HGF: variants seen among roughly 807,000 people sequenced by gnomAD.
HGF encodes hepatocyte growth factor, also known as fibroblast-derived tumor cytotoxic factor.
A neutral mutation model predicts 111.6 loss-of-function variants in HGF; 39 were observed. That is an observed-to-expected ratio of 0.35 (90% CI 0.27 to 0.46). HGF has a LOEUF of 0.46. Ranked by LOEUF, HGF falls within the 20% of genes least tolerant of loss-of-function variation. HGF has a pLI of 1.00. For synonymous variants in HGF, 285 were observed against 294.8 expected (o/e 0.97, Z 0.34); for missense variants, 735 against 910.5 (o/e 0.81, Z 2.48).
chr7:81,723,408 C>T (rs1789925260), intron 9 of HGF, among the ~76,000 whole-genome samples: 1 of 151,778 alleles, frequency 6.6e-6, no homozygotes, highest in South Asian at 2.1e-4. Context: ...AAATGTATAC[C>T]ATTAATACAG....
intron 3 of HGF, among the ~76,000 whole-genome samples, chr7:81,758,130 C>A (rs1025677396): frequency 6.6e-6 from 1 of 151,892 alleles, no homozygotes. Flanking sequence ...AAGTAAATAC[C>A]TAGTGAACAT....
chr7:81,744,863 A>T (rs538556022), intron 6 of HGF, 137 bp downstream of exon 6: 1 of 992,192 alleles, frequency 1.0e-6, no homozygotes, highest in East Asian at 2.6e-5. Flanking sequence ...ACTCCTGAAC[A>T]TTCTGGGAGT....
In HGF at chr7:81,727,085, A is replaced by G. The variant is rs190630396; in HGVS notation, c.1041-1068T>C. On this transcript the variant is annotated intron_variant, in intron 8 of 17. Transcript: ENST00000222390. ...AAACAGAGTCTCGTTCTGTCGCCCA[A>G]GCTGGAGTGCAGTGGCGTGATATCG... 1.5e-4 allele frequency among the ~76,000 whole-genome samples: 23 copies of G among 151,442 alleles called. 1 individual carries two copies. Among genetic ancestry groups the G allele is most frequent in the Admixed American group, 1.2e-3 (18 of 15,190 alleles).
At chr7:81,717,475 C>A (rs1255411503) in intron 10 of HGF, 110 bp from the exon 11 acceptor site, 2 of 1,082,210 alleles carry the variant, frequency 1.8e-6, no homozygotes, top group African/African-American at 3.1e-5. Flanking sequence ...GTAGATACAG[C>A]ATAACCTTTT....
At chr7:81,736,241 ACAATT>A (rs1787820594) in intron 7 of HGF, among the ~76,000 whole-genome samples, 1 of 152,092 alleles carries the variant, frequency 6.6e-6, no homozygotes, top group South Asian at 2.1e-4. Context: ...CCAGAAGTAA[ACAATT>A]CATACGTTTC....
At chr7:81,744,693 A>G (rs1036435419) in intron 6 of HGF, among the ~76,000 whole-genome samples, 3 of 151,990 alleles carry the variant, frequency 2.0e-5, no homozygotes, top group Admixed American at 1.3e-4. Context: ...TTGTGCTTCC[A>G]CTCTATACCC....
intron 11 of HGF, among the ~76,000 whole-genome samples, 153 bp from the exon 12 acceptor site, chr7:81,711,672 C>T (rs1789574049): frequency 6.6e-6 from 1 of 152,102 alleles, no homozygotes; most frequent in African/African-American, 2.4e-5. Context: ...GAGACAGAGT[C>T]TCATTCTGTC....
At chr7:81,721,204 G>GC (rs1789852187) in intron 9 of HGF, among the ~76,000 whole-genome samples, 1 of 152,006 alleles carries the variant, frequency 6.6e-6, no homozygotes, top group Admixed American at 6.5e-5. Context: ...CCGAGATGGC[G>GC]CCACTGCACT....
intron 7 of HGF, among the ~76,000 whole-genome samples, chr7:81,731,580 C>T (rs1733536906): frequency 6.6e-6 from 1 of 151,998 alleles, no homozygotes; most frequent in African/African-American, 2.4e-5. Flanking sequence ...TGGTGAAATA[C>T]AAAATAAGAT....
chr7:81,741,998 A>T (rs1290479861), intron 7 of HGF, among the ~76,000 whole-genome samples: 1 of 151,946 alleles, frequency 6.6e-6, no homozygotes, highest in Non-Finnish European at 1.5e-5. Flanking sequence ...CACACAAAAA[A>T]TCAGAAGGGA....
intron 11 of HGF, among the ~76,000 whole-genome samples, chr7:81,712,314 T>C (rs1789593747): frequency 6.6e-6 from 1 of 152,204 alleles, no homozygotes; most frequent in African/African-American, 2.4e-5. Flanking sequence ...TAGTTTTATA[T>C]GGTTAAAGAT....
At chr7:81,713,305 T>G (rs1789620976) in intron 11 of HGF, among the ~76,000 whole-genome samples, 1 of 152,018 alleles carries the variant, frequency 6.6e-6, no homozygotes, top group Non-Finnish European at 1.5e-5. Flanking sequence ...GGCGGATGGA[T>G]CACAAGGTCA....
chr7:81,723,432 A>G (rs1282792343), intron 9 of HGF, among the ~76,000 whole-genome samples: 1 of 152,094 alleles, frequency 6.6e-6, no homozygotes, highest in African/African-American at 2.4e-5. Context: ...AAGAAAATCC[A>G]GATGATTTTT....
intron 8 of HGF, among the ~76,000 whole-genome samples, chr7:81,728,880 T>G (rs867597691): frequency 6.6e-6 from 1 of 152,226 alleles, no homozygotes; most frequent in African/African-American, 2.4e-5. Context: ...TGTGTGTTAT[T>G]AATTTCAAAA....
chr7:81,709,587 T>C (rs1304830586), intron 13 of HGF, among the ~76,000 whole-genome samples: 1 of 152,124 alleles, frequency 6.6e-6, no homozygotes, highest in African/African-American at 2.4e-5. Context: ...CATTGAGAAA[T>C]AGACATGTCA....
intron 9 of HGF, 122 bp from the exon 10 acceptor site, chr7:81,720,969 G>GGT: frequency 4.4e-6 from 3 of 680,178 alleles, no homozygotes; most frequent in Non-Finnish European, 5.3e-6. Flanking sequence ...GAAAGGGCTG[G>GGT]GTGCGGTGGC....
In HGF at chr7:81,705,341, AC is replaced by A. The variant is rs781145595; in HGVS notation, c.2010+48del. ...ATAAACAGAAAAAAATAAACATGAA[AC>A]ACTAAGCTATGAATCACATACTCCT... is the stretch of plus-strand genomic sequence containing the variant. On this transcript the variant is annotated intron_variant, in intron 17 of 17. Coordinates refer to ENST00000222390, the MANE Select transcript of HGF (RefSeq NM_000601.6). 4 of 1,554,106 alleles carry A rather than the reference AC, an allele frequency of 2.6e-6. No individual in the cohort carries two copies. In the South Asian group the frequency reaches 4.5e-5, roughly 17 times the overall value.
At chr7:81,706,676 GA>G (rs1191809975) in intron 14 of HGF, among the ~76,000 whole-genome samples, 1 of 151,912 alleles carries the variant, frequency 6.6e-6, no homozygotes, top group East Asian at 1.9e-4. Flanking sequence ...ATGCTTGCTA[GA>G]AGTCACTTGT....
intron 5 of HGF, among the ~76,000 whole-genome samples, chr7:81,748,925 A>G (rs1460588085): frequency 4.6e-5 from 7 of 152,222 alleles, no homozygotes. Flanking sequence ...CAGGAGTGAT[A>G]TGAGTATACA....
Sources: allele counts gnomAD v4.1 joint callset (sites outside exome capture counted in the v4.1 genomes callset), GRCh38; gene constraint gnomAD v4.1.1; transcripts MANE v1.5; gene names NCBI Gene and HGNC (gene_info 2026-07-23, HGNC 2026-07-21).